BCL2: variants seen among roughly 807,000 people sequenced by gnomAD.
The protein encoded by BCL2 is apoptosis regulator Bcl-2.
Under a neutral mutation model 14.2 loss-of-function variants are expected in BCL2, and 1 was observed. The ratio of observed to expected loss-of-function variants is 0.07; its 90% CI spans 0.02 to 0.33. The LOEUF (loss-of-function observed/expected upper bound fraction) is 0.33, where lower values mean the gene tolerates loss of function less well. Among genes scored for constraint, BCL2 ranks in the 10% least tolerant of loss-of-function variants. BCL2 has a pLI of 0.99. For missense variants in BCL2, 247 were observed against 305.9 expected (o/e 0.81, Z 1.44); for synonymous variants, 151 against 137.2 (o/e 1.10, Z -0.70).
intron 2 of BCL2, among the ~76,000 whole-genome samples, chr18:63,239,171 T>C (rs1242695871): frequency 6.6e-6 from 1 of 152,218 alleles, no homozygotes; most frequent in African/African-American, 2.4e-5. Context: ...CACAGGATTA[T>C]ATTCTAAAAC....
chr18:63,227,501 C>CGTGG, intron 2 of BCL2, among the ~76,000 whole-genome samples: 1 of 152,156 alleles, frequency 6.6e-6, no homozygotes, highest in East Asian at 1.9e-4. Context: ...TTAGCCACCA[C>CGTGG]GCCCAGCTCT....
At chr18:63,163,783 C>T (rs1914978726) in intron 2 of BCL2, among the ~76,000 whole-genome samples, 1 of 152,180 alleles carries the variant, frequency 6.6e-6, no homozygotes, top group Non-Finnish European at 1.5e-5. Flanking sequence ...TTATATTCCC[C>T]ACTTCACACA....
chr18:63,150,320 C>T (rs746149972), intron 2 of BCL2, among the ~76,000 whole-genome samples: 4 of 152,252 alleles, frequency 2.6e-5, no homozygotes, highest in Non-Finnish European at 5.9e-5. Context: ...CTCTCTTCTT[C>T]AGCAACACCC....
At chr18:63,146,603 C>T (rs1242652289) in intron 2 of BCL2, among the ~76,000 whole-genome samples, 4 of 152,314 alleles carry the variant, frequency 2.6e-5, no homozygotes, top group East Asian at 3.9e-4. Flanking sequence ...AGAATAAAAA[C>T]GTCTAAATTT....
intron 2 of BCL2, among the ~76,000 whole-genome samples, chr18:63,235,473 G>A (rs529305493): frequency 3.3e-5 from 5 of 151,944 alleles, no homozygotes; most frequent in Admixed American, 1.3e-4. Flanking sequence ...GTTTTGCAAC[G>A]GACAAATCTT....
chr18:63,231,061 C>T (rs1258498220), intron 2 of BCL2, among the ~76,000 whole-genome samples: 2 of 151,786 alleles, frequency 1.3e-5, no homozygotes, highest in East Asian at 3.9e-4. Context: ...AGGTTTTATC[C>T]CAGAAGCTCA....
At chr18:63,295,697 T>A (rs144654248) in intron 2 of BCL2, among the ~76,000 whole-genome samples, 114 of 152,076 alleles carry the variant, frequency 7.5e-4, no homozygotes, top group Non-Finnish European at 1.4e-3. Context: ...CATATCCACC[T>A]CCTCTTCTTG....
At chr18:63,295,105 A>G (rs1599296199) in intron 2 of BCL2, among the ~76,000 whole-genome samples, 1 of 151,910 alleles carries the variant, frequency 6.6e-6, no homozygotes, top group South Asian at 2.1e-4. Flanking sequence ...CAGAGGTTGC[A>G]GTGAGCCGAG....
At chr18:63,219,451 CTTTTTTTTT>C (rs11289698) in intron 2 of BCL2, among the ~76,000 whole-genome samples, 5 of 109,796 alleles carry the variant, frequency 4.6e-5, no homozygotes, top group African/African-American at 1.8e-4. Context: ...CACAGCAGAA[CTTTTTTTTT>C]TTTTTTTTTT....
intron 2 of BCL2, among the ~76,000 whole-genome samples, chr18:63,299,867 C>T (rs1429556547): frequency 1.3e-5 from 2 of 150,654 alleles, no homozygotes; most frequent in Non-Finnish European, 2.9e-5. Flanking sequence ...GGCCAAACGG[C>T]ACCTTCTCTG....
chr18:63,204,561 G>A (rs1344895827), intron 2 of BCL2, among the ~76,000 whole-genome samples: 2 of 152,036 alleles, frequency 1.3e-5, no homozygotes, highest in African/African-American at 4.8e-5. Context: ...ACAAATCCAG[G>A]CAAAAGCAGC....
At chr18:63,263,881 A>C (rs1911736467) in intron 2 of BCL2, among the ~76,000 whole-genome samples, 3 of 152,284 alleles carry the variant, frequency 2.0e-5, no homozygotes, top group Admixed American at 2.0e-4. Flanking sequence ...GCTGGAGTGC[A>C]ATAGTGCAAT....
intron 2 of BCL2, among the ~76,000 whole-genome samples, chr18:63,171,399 G>A (rs1444345912): frequency 6.6e-6 from 1 of 152,246 alleles, no homozygotes; most frequent in African/African-American, 2.4e-5. Context: ...CTGCTGGAGT[G>A]AGGGAGGTTA....
chr18:63,156,342 A>G (rs1002975177), intron 2 of BCL2, among the ~76,000 whole-genome samples: 1 of 152,150 alleles, frequency 6.6e-6, no homozygotes, highest in South Asian at 2.1e-4. Flanking sequence ...GGGTCAGGTA[A>G]TTCTTTGTTG....
intron 2 of BCL2, among the ~76,000 whole-genome samples, chr18:63,189,059 A>G (rs1452572844): frequency 6.7e-6 from 1 of 149,954 alleles, no homozygotes; most frequent in African/African-American, 2.5e-5. Flanking sequence ...ACATCCTTAC[A>G]CATAGGTAGA....
At chr18:63,188,827 T>TA (rs1361794069) in intron 2 of BCL2, among the ~76,000 whole-genome samples, 2 of 152,028 alleles carry the variant, frequency 1.3e-5, no homozygotes, top group Non-Finnish European at 1.5e-5. Flanking sequence ...TTCTCATCAA[T>TA]AAAATAATAT....
At chr18:63,274,183 C>T (rs1048728603) in intron 2 of BCL2, among the ~76,000 whole-genome samples, 3 of 151,538 alleles carry the variant, frequency 2.0e-5, no homozygotes, top group Admixed American at 1.3e-4. Flanking sequence ...CATGCCTCTA[C>T]GGTAATTTCC....
intron 2 of BCL2, among the ~76,000 whole-genome samples, chr18:63,259,108 G>A (rs2144221040): frequency 6.6e-6 from 1 of 152,280 alleles, no homozygotes; most frequent in East Asian, 1.9e-4. Context: ...GGTGCAGGCT[G>A]TGACTTCCCT....
intron 2 of BCL2, among the ~76,000 whole-genome samples, chr18:63,202,264 G>C (rs904623318): frequency 6.6e-6 from 1 of 152,090 alleles, no homozygotes; most frequent in Non-Finnish European, 1.5e-5. Context: ...AGACGAGATC[G>C]GGCCACTGCA....
Sources: allele counts gnomAD v4.1 joint callset (sites outside exome capture counted in the v4.1 genomes callset), GRCh38; gene constraint gnomAD v4.1.1; transcripts MANE v1.5; gene names NCBI Gene and HGNC (gene_info 2026-07-23, HGNC 2026-07-21).